The following PHACTR3 variants were observed in gnomAD, a reference collection of about 807,000 sequenced individuals.
PHACTR3 encodes the protein phosphatase and actin regulator 3.
Under a neutral mutation model 66.8 loss-of-function variants are expected in PHACTR3, and 16 were observed. The ratio of observed to expected loss-of-function variants is 0.24; its 90% CI spans 0.16 to 0.36. The LOEUF (loss-of-function observed/expected upper bound fraction) is 0.36. Among genes scored for constraint, PHACTR3 ranks in the 10% least tolerant of loss-of-function variants. The probability of loss-of-function intolerance (pLI) is 1.00; values close to 1 mark genes in which losing one functional copy is unlikely to be tolerated. For missense variants in PHACTR3, 647 were observed against 719.9 expected (o/e 0.90, Z 1.16); for synonymous variants, 323 against 292.1 (o/e 1.11, Z -1.08).
chr20:59,773,167 C>G lies in PHACTR3; in HGVS notation c.752-112C>G, dbSNP rs1468038839. ...AGCATCTTGGCATTAGTTGGGGCCC[C>G]TCCTGGAGGTGCAGGGGAGCGTCCT... is the stretch of plus-strand genomic sequence containing the variant. On this transcript the variant is annotated intron_variant, in intron 5 of 12. Transcript: ENST00000371015. The G allele has an allele frequency of 2.3e-6, 3 of 1,279,282 alleles. No homozygotes were observed. In the South Asian group the frequency reaches 4.3e-5, roughly 18 times the overall value. The allele number at this position is 1,279,282 out of a possible 1,614,324, so 79.2% of individuals were successfully genotyped here. A position where few individuals can be genotyped will look rare whatever the true frequency, so the allele number is the denominator to read the frequency against.
chr20:59,604,878 T>TGG lies in PHACTR3; in HGVS notation c.-137_-136insGG. The TGG allele has an allele frequency of 5.6e-6, 1 of 177,956 alleles. No individual in the cohort carries two copies. The highest frequency in any genetic ancestry group is 7.5e-6 in the Non-Finnish European group (1 of 132,842). 11.0% of individuals were successfully genotyped at this position (177,956 alleles called of 1,614,324 possible). A position where few individuals can be genotyped will look rare whatever the true frequency, so the allele number is the denominator to read the frequency against. On this transcript the variant is annotated 5_prime_UTR_variant, in exon 1 of 13. Coordinates refer to ENST00000371015, the MANE Select transcript of PHACTR3 (RefSeq NM_080672.5). ...CTCCAGCTCGTTTCCTTTCCCGGCC[T>TGG]TTTTTTTTTTTTTTTTTTTTTAATT... is the stretch of plus-strand genomic sequence containing the variant.
intron 1 of PHACTR3, among the ~76,000 whole-genome samples, chr20:59,681,792 C>A (rs942875205): frequency 6.6e-6 from 1 of 152,178 alleles, no homozygotes; most frequent in African/African-American, 2.4e-5. Flanking sequence ...GGGTGGATCA[C>A]CTGAGGTCGG....
chr20:59,716,370 A>G (rs1257661984), intron 1 of PHACTR3, among the ~76,000 whole-genome samples: 1 of 151,928 alleles, frequency 6.6e-6, no homozygotes, highest in Non-Finnish European at 1.5e-5. Flanking sequence ...CTTGTGCCTC[A>G]GCCTCCCAAG....
intron 1 of PHACTR3, among the ~76,000 whole-genome samples, chr20:59,739,190 C>T (rs762733723): frequency 5.3e-5 from 8 of 152,062 alleles, no homozygotes. Context: ...GGGGTCGCCT[C>T]AAAAACACAG....
At chr20:59,634,321 C>T (rs2034773710) in intron 1 of PHACTR3, among the ~76,000 whole-genome samples, 1 of 152,252 alleles carries the variant, frequency 6.6e-6, no homozygotes, top group South Asian at 2.1e-4. Flanking sequence ...ACCTCTCCAA[C>T]TCCGTTCCCT....
intron 1 of PHACTR3, among the ~76,000 whole-genome samples, chr20:59,590,515 C>G (rs1425812697): frequency 6.6e-6 from 1 of 152,106 alleles, no homozygotes; most frequent in Non-Finnish European, 1.5e-5. Flanking sequence ...TCAACTTTGC[C>G]TGTTTGTTTG....
intron 1 of PHACTR3, among the ~76,000 whole-genome samples, chr20:59,730,433 G>C (rs536981425): frequency 6.6e-6 from 1 of 152,224 alleles, no homozygotes; most frequent in East Asian, 1.9e-4. Flanking sequence ...TTACAGTGGG[G>C]GTTTTATATT....
intron 1 of PHACTR3, among the ~76,000 whole-genome samples, chr20:59,605,861 G>C (rs1600899617): frequency 2.6e-5 from 2 of 75,762 alleles, no homozygotes; most frequent in Non-Finnish European, 5.9e-5. Flanking sequence ...GGGGAGGTGG[G>C]GGGGGGGGTG....
intron 1 of PHACTR3, among the ~76,000 whole-genome samples, chr20:59,700,945 ATGTC>A (rs1419319449): frequency 2.1e-5 from 3 of 141,638 alleles, no homozygotes; most frequent in African/African-American, 8.3e-5. Flanking sequence ...GCACCACACT[ATGTC>A]TGGCTAATTT....
chr20:59,821,168 A>G (rs2042020525), intron 8 of PHACTR3, among the ~76,000 whole-genome samples: 1 of 152,262 alleles, frequency 6.6e-6, no homozygotes. Context: ...GCCCAGAGAG[A>G]TTGGGTAAGA....
At chr20:59,685,201 G>T (rs1440606384) in intron 1 of PHACTR3, among the ~76,000 whole-genome samples, 1 of 152,124 alleles carries the variant, frequency 6.6e-6, no homozygotes, top group African/African-American at 2.4e-5. Flanking sequence ...CCCCCTTCCT[G>T]CCCAGCAGCT....
chr20:59,578,692 G>A (rs1277908049), intron 1 of PHACTR3, among the ~76,000 whole-genome samples: 1 of 152,206 alleles, frequency 6.6e-6, no homozygotes, highest in Admixed American at 6.5e-5. Context: ...CGGTCATGGT[G>A]TAGTCCACAG....
intron 7 of PHACTR3, among the ~76,000 whole-genome samples, chr20:59,801,784 G>A (rs1331175835): frequency 2.0e-5 from 3 of 152,190 alleles, no homozygotes; most frequent in Non-Finnish European, 4.4e-5. Context: ...TATGGTCAGG[G>A]AAAAAGCCAC....
intron 3 of PHACTR3, among the ~76,000 whole-genome samples, chr20:59,750,197 T>C (rs1399120677): frequency 6.6e-6 from 1 of 150,844 alleles, no homozygotes; most frequent in African/African-American, 2.4e-5. Context: ...CCTAAGATCA[T>C]GAGACAGGAC....
At chr20:59,581,416 T>C (rs1248149861) in intron 1 of PHACTR3, among the ~76,000 whole-genome samples, 1 of 152,240 alleles carries the variant, frequency 6.6e-6, no homozygotes, top group Non-Finnish European at 1.5e-5. Flanking sequence ...CCCTCAGGTC[T>C]GCTTCTCCTT....
intron 1 of PHACTR3, among the ~76,000 whole-genome samples, chr20:59,702,034 G>A (rs776595400): frequency 5.3e-5 from 8 of 152,146 alleles, no homozygotes; most frequent in Non-Finnish European, 1.0e-4. Flanking sequence ...TTCCTGTCTC[G>A]ATAGCTCATT....
intron 1 of PHACTR3, among the ~76,000 whole-genome samples, chr20:59,739,563 C>A (rs1173163163): frequency 2.6e-5 from 4 of 152,088 alleles, no homozygotes; most frequent in African/African-American, 9.7e-5. Flanking sequence ...GGGGGAGGAG[C>A]CTCCCTTATA....
rs576179100 is a variant in PHACTR3, at chr20:59,666,940, A to C, written c.118+61808A>C. On this transcript the variant is annotated intron_variant, in intron 1 of 12. Coordinates refer to ENST00000371015, the MANE Select transcript of PHACTR3 (RefSeq NM_080672.5). Reference sequence around the variant, plus strand: ...TATTATTATCACATGAAACTGCAGCACTTCCCTTTCATTACCTTTGAGGGT... The same window carrying C: ...TATTATTATCACATGAAACTGCAGCCCTTCCCTTTCATTACCTTTGAGGGT... Among the ~76,000 whole-genome samples, 133 of 152,320 alleles carry C rather than the reference A, an allele frequency of 8.7e-4. 1 individual carries two copies. Among genetic ancestry groups the C allele is most frequent in the African/African-American group, 3.1e-3 (129 of 41,570 alleles).
intron 8 of PHACTR3, among the ~76,000 whole-genome samples, chr20:59,813,574 T>C (rs1400955187): frequency 1.3e-5 from 2 of 152,060 alleles, no homozygotes; most frequent in African/African-American, 4.8e-5. Context: ...AGGTGATAAA[T>C]TATTGTGTCT....
Sources: gnomAD v4.1 joint callset for allele counts (sites outside exome capture counted in the v4.1 genomes callset) on GRCh38, gnomAD v4.1.1 for gene constraint, MANE v1.5 for transcripts, NCBI Gene and HGNC (gene_info 2026-07-23, HGNC 2026-07-21) for gene names.